Variants in DCDC2C observed in about 807,000 individuals in gnomAD.
The protein encoded by DCDC2C is doublecortin domain containing 2C.
Under a neutral mutation model 45.0 loss-of-function variants are expected in DCDC2C, and 44 were observed. The ratio of observed to expected loss-of-function variants is 0.98; its 90% CI spans 0.77 to 1.26. The LOEUF is 1.26. DCDC2C is among the 50% of genes most tolerant of loss of function. DCDC2C has a pLI of 0.00. For synonymous variants in DCDC2C, 187 were observed against 178.8 expected, an observed-to-expected ratio of 1.05 and a Z score of -0.37; for missense variants, 447 against 468.9, an observed-to-expected ratio of 0.95 and a Z score of 0.43.
intron 10 of DCDC2C, among the ~76,000 whole-genome samples, chr2:3,829,550 C>T (rs13023243): frequency 0.37 from 56,377 of 151,840 alleles, 10,798 homozygotes; most frequent in Middle Eastern, 0.46. Flanking sequence ...TCGTGCTGCG[C>T]GGTTCCTATA....
intron 10 of DCDC2C, among the ~76,000 whole-genome samples, chr2:3,833,344 C>T (rs1028140360): frequency 6.6e-6 from 1 of 152,144 alleles, no homozygotes; most frequent in Non-Finnish European, 1.5e-5. Flanking sequence ...CTTTGGGGGC[C>T]GTTATTCTGC....
At chr2:3,812,869 T>G (rs1671435974) in intron 10 of DCDC2C, among the ~76,000 whole-genome samples, 1 of 152,000 alleles carries the variant, frequency 6.6e-6, no homozygotes, top group African/African-American at 2.4e-5. Flanking sequence ...GTTGTTCAAT[T>G]TCCATGTATT....
chr2:3,787,596 T>A (rs1670688017), intron 10 of DCDC2C, among the ~76,000 whole-genome samples: 1 of 152,244 alleles, frequency 6.6e-6, no homozygotes, highest in Non-Finnish European at 1.5e-5. Context: ...TTAAATGAAA[T>A]TTTCTCCTTT....
In DCDC2C at chr2:3,847,986, A is replaced by C. The variant is rs1460515411; in HGVS notation, c.*803A>C. 6.6e-6 allele frequency among the ~76,000 whole-genome samples: 1 copy of C among 152,196 alleles called. No homozygotes were observed. The highest frequency in any genetic ancestry group is 2.4e-5 in the African/African-American group (1 of 41,446). On this transcript the variant is annotated 3_prime_UTR_variant, in exon 11 of 11. Coordinates refer to ENST00000399143, the MANE Select transcript of DCDC2C (RefSeq NM_001287444.2). Reference sequence around the variant, plus strand: ...CAGCCTGCAGAACTGTGAGCCAATTAAACCTCTTTTCTTCATAAATTACCC... The same window carrying C: ...CAGCCTGCAGAACTGTGAGCCAATTCAACCTCTTTTCTTCATAAATTACCC...
intron 6 of DCDC2C, among the ~76,000 whole-genome samples, chr2:3,762,617 A>G (rs939966289): frequency 1.3e-5 from 2 of 151,910 alleles, no homozygotes; most frequent in Admixed American, 1.3e-4. Context: ...GGTACCACAC[A>G]CTTAACCTGA....
rs2148042251 is a variant in DCDC2C, at chr2:3,709,159, A to G, written c.339+559A>G. On this transcript the variant is annotated intron_variant, in intron 2 of 10. Transcript: ENST00000399143. ...TAAGCCAGGTAGCCTGTTGATATTT[A>G]GAATTTAACATAATTTTGACTTAAA... Among the ~76,000 whole-genome samples, 4 of 152,356 alleles carry G rather than the reference A, an allele frequency of 2.6e-5. 1 individual carries two copies. The South Asian group carries it at 8.3e-4, about 32-fold the overall frequency.
At chr2:3,751,769 C>T (rs552711520) in intron 4 of DCDC2C, among the ~76,000 whole-genome samples, 4 of 152,332 alleles carry the variant, frequency 2.6e-5, no homozygotes, top group African/African-American at 9.6e-5. Context: ...AGCTCTGAGC[C>T]TCCTCCCACA....
At chr2:3,829,284 C>CT (rs5828893) in intron 10 of DCDC2C, among the ~76,000 whole-genome samples, 15,698 of 129,510 alleles carry the variant, frequency 0.12, 1,127 homozygotes, top group East Asian at 0.43. Context: ...ATGTCTTTTT[C>CT]TTTTTTTTTT....
intron 10 of DCDC2C, among the ~76,000 whole-genome samples, chr2:3,798,617 C>T (rs1671026352): frequency 6.7e-6 from 1 of 149,110 alleles, no homozygotes; most frequent in African/African-American, 2.5e-5. Flanking sequence ...TTTTATTTCT[C>T]CTTCACTTAT....
At chr2:3,808,094 G>C (rs993654213) in intron 10 of DCDC2C, among the ~76,000 whole-genome samples, 3 of 152,184 alleles carry the variant, frequency 2.0e-5, no homozygotes, top group Admixed American at 6.5e-5. Flanking sequence ...GTAAGAAGCT[G>C]GCAAACTTTT....
Position 3,826,840 on chromosome 2 carries a change from A to G in DCDC2C, c.1066-20314A>G, listed in dbSNP as rs143851455. ...ATGTCCTATGAGATTACCTGATAGTAAGGATTACCTAATGCCATGTGCATT... is the reference window on the plus strand; with the variant it reads ...ATGTCCTATGAGATTACCTGATAGTGAGGATTACCTAATGCCATGTGCATT... On this transcript the variant is annotated intron_variant, in intron 10 of 10. Coordinates refer to ENST00000399143, the MANE Select transcript of DCDC2C (RefSeq NM_001287444.2). Among the ~76,000 whole-genome samples the G allele has an allele frequency of 3.3e-3, 496 of 152,242 alleles. 4 individuals carry two copies. Among genetic ancestry groups the G allele is most frequent in the African/African-American group, 0.01 (427 of 41,542 alleles).
intron 6 of DCDC2C, among the ~76,000 whole-genome samples, chr2:3,760,354 A>G (rs1055098075): frequency 5.9e-5 from 9 of 152,252 alleles, no homozygotes; most frequent in African/African-American, 2.2e-4. Context: ...ATTATAAATC[A>G]TTCTGCTATA....
chr2:3,831,731 T>A (rs774409519), intron 10 of DCDC2C, among the ~76,000 whole-genome samples: 1 of 152,190 alleles, frequency 6.6e-6, no homozygotes, highest in Non-Finnish European at 1.5e-5. Flanking sequence ...CGTGTAGAAG[T>A]CAGAGTCCTC....
intron 3 of DCDC2C, among the ~76,000 whole-genome samples, chr2:3,740,899 T>A (rs537632798): frequency 5.0e-4 from 76 of 152,368 alleles, no homozygotes; most frequent in African/African-American, 1.8e-3. Context: ...ATGGCAGTAA[T>A]AGTAAATTAT....
intron 9 of DCDC2C, among the ~76,000 whole-genome samples, chr2:3,779,415 T>C (rs563121432): frequency 2.0e-4 from 31 of 152,372 alleles, no homozygotes; most frequent in African/African-American, 6.3e-4. Flanking sequence ...CTGGATGTCC[T>C]GGAAACTTCC....
At chr2:3,732,130 G>C (rs1318664826) in intron 3 of DCDC2C, among the ~76,000 whole-genome samples, 2 of 152,184 alleles carry the variant, frequency 1.3e-5, no homozygotes, top group African/African-American at 4.8e-5. Flanking sequence ...CCAGTGGAAG[G>C]CTGGATGTGG....
intron 6 of DCDC2C, among the ~76,000 whole-genome samples, chr2:3,760,473 A>G (rs1669846644): frequency 6.6e-6 from 1 of 152,226 alleles, no homozygotes; most frequent in African/African-American, 2.4e-5. Context: ...TGTGGCACAT[A>G]TACACCATGG....
chr2:3,729,621 C>T (rs547160129), intron 3 of DCDC2C, among the ~76,000 whole-genome samples: 86 of 152,300 alleles, frequency 5.6e-4, no homozygotes, highest in South Asian at 1.0e-3. Context: ...TTCTGTCCTC[C>T]GCCAGAGACT....
intron 9 of DCDC2C, among the ~76,000 whole-genome samples, chr2:3,781,098 G>T (rs1423252912): frequency 6.6e-6 from 1 of 152,230 alleles, no homozygotes; most frequent in Non-Finnish European, 1.5e-5. Flanking sequence ...AACTCATGGG[G>T]TTGAAGGTAA....
Sources: gnomAD v4.1 joint callset for allele counts (sites outside exome capture counted in the v4.1 genomes callset) on GRCh38, gnomAD v4.1.1 for gene constraint, MANE v1.5 for transcripts, NCBI Gene and HGNC (gene_info 2026-07-23, HGNC 2026-07-21) for gene names.